Variants in GRIP1 observed in about 807,000 individuals in gnomAD.
GRIP1 encodes the protein glutamate receptor-interacting protein 1.
GRIP1 carries 45 observed loss-of-function variants against 129.9 expected under a neutral mutation model. That is an observed-to-expected ratio of 0.35 (90% confidence interval 0.27 to 0.44). The LOEUF (loss-of-function observed/expected upper bound fraction) is 0.44. Ranked by LOEUF, GRIP1 falls within the 20% of genes least tolerant of loss-of-function variation. The pLI is 1.00. For missense variants in GRIP1, 1,196 were observed against 1,396.8 expected (o/e 0.86, Z 2.29); for synonymous variants, 530 against 520.8 (o/e 1.02, Z -0.24).
At chr12:66,535,626 T>A (rs2061582588) in intron 4 of GRIP1, among the ~76,000 whole-genome samples, 2 of 152,220 alleles carry the variant, frequency 1.3e-5, no homozygotes, top group Non-Finnish European at 2.9e-5. Flanking sequence ...TCTAAGCCTT[T>A]ACACTCTATT....
At chr12:66,736,243 A>G (rs2036592230) in intron 1 of GRIP1, among the ~76,000 whole-genome samples, 1 of 151,504 alleles carries the variant, frequency 6.6e-6, no homozygotes, top group Non-Finnish European at 1.5e-5. Flanking sequence ...ATAGCACACC[A>G]ATCATAGCTC....
intron 1 of GRIP1, among the ~76,000 whole-genome samples, chr12:67,064,751 A>AT (rs966008435): frequency 2.0e-5 from 3 of 151,480 alleles, no homozygotes; most frequent in African/African-American, 7.3e-5. Flanking sequence ...TCTCATAGAT[A>AT]TTTTTTTATT....
chr12:66,751,513 T>G (rs961897803), intron 1 of GRIP1, among the ~76,000 whole-genome samples: 2 of 152,162 alleles, frequency 1.3e-5, no homozygotes, highest in Non-Finnish European at 2.9e-5. Context: ...GTCCAGGGCA[T>G]GATGACTGAA....
intron 15 of GRIP1, among the ~76,000 whole-genome samples, chr12:66,409,773 T>C (rs1444577745): frequency 6.6e-6 from 1 of 152,172 alleles, no homozygotes. Flanking sequence ...CTGTTTTGAG[T>C]AAACAATAAA....
chr12:66,535,178 C>G (rs944849242), intron 4 of GRIP1, among the ~76,000 whole-genome samples: 4 of 152,102 alleles, frequency 2.6e-5, no homozygotes, highest in African/African-American at 9.7e-5. Flanking sequence ...TCACTATTAG[C>G]CTTTGCCTAA....
chr12:66,809,685 A>G (rs12824146), intron 1 of GRIP1, among the ~76,000 whole-genome samples: 89,208 of 150,198 alleles, frequency 0.59, 26,564 homozygotes, highest in East Asian at 0.64. Flanking sequence ...TTTGAGACAG[A>G]ATCTTGGTGT....
chr12:67,019,941 A>ACTT, intron 1 of GRIP1, among the ~76,000 whole-genome samples: 1 of 152,314 alleles, frequency 6.6e-6, no homozygotes, highest in East Asian at 1.9e-4. Context: ...GACTTATAAG[A>ACTT]AACAAACATT....
intron 19 of GRIP1, 37 bp from the exon 20 acceptor site, chr12:66,379,473 G>C (rs932008766): frequency 1.9e-6 from 3 of 1,602,654 alleles, no homozygotes; most frequent in Admixed American, 1.7e-5. Context: ...TGGGCCCAAG[G>C]ATTACTTAAT....
chr12:66,973,347 G>C (rs10878546), intron 1 of GRIP1, among the ~76,000 whole-genome samples: 29,144 of 146,598 alleles, frequency 0.2, 3,029 homozygotes, highest in East Asian at 0.4. Flanking sequence ...ACAGGAAAAT[G>C]GTTATTTTTT....
chr12:66,652,691 T>C (rs928609797), intron 1 of GRIP1, among the ~76,000 whole-genome samples: 1 of 152,212 alleles, frequency 6.6e-6, no homozygotes, highest in African/African-American at 2.4e-5. Flanking sequence ...CTAGAAAGCA[T>C]TTCCCTGCTG....
intron 1 of GRIP1, among the ~76,000 whole-genome samples, chr12:66,606,739 T>C (rs1200362725): frequency 6.6e-6 from 1 of 152,178 alleles, no homozygotes; most frequent in Non-Finnish European, 1.5e-5. Context: ...TATTAAAGCC[T>C]AGGGCAGGGC....
intron 1 of GRIP1, among the ~76,000 whole-genome samples, chr12:67,047,304 C>T (rs1280533507): frequency 6.6e-6 from 1 of 152,090 alleles, no homozygotes; most frequent in Non-Finnish European, 1.5e-5. Flanking sequence ...AAAACACATT[C>T]TTATTATAGA....
At chr12:66,813,542 C>T (rs2039145075) in intron 1 of GRIP1, among the ~76,000 whole-genome samples, 1 of 152,070 alleles carries the variant, frequency 6.6e-6, no homozygotes, top group Admixed American at 6.5e-5. Flanking sequence ...ACTCTGGGGG[C>T]TATATTTGAA....
intron 1 of GRIP1, among the ~76,000 whole-genome samples, chr12:66,840,305 T>C (rs2039691789): frequency 6.6e-6 from 1 of 152,218 alleles, no homozygotes; most frequent in South Asian, 2.1e-4. Context: ...CAGTGGAGGT[T>C]ATTCTTATTA....
intron 11 of GRIP1, among the ~76,000 whole-genome samples, chr12:66,448,822 C>G (rs1046130843): frequency 3.3e-5 from 5 of 152,190 alleles, no homozygotes; most frequent in African/African-American, 7.2e-5. Context: ...GCTAGGGTAG[C>G]CTTTCTAACA....
intron 12 of GRIP1, 49 bp downstream of exon 12, chr12:66,445,273 T>C (rs1436042619): frequency 7.0e-7 from 1 of 1,431,418 alleles, no homozygotes. Context: ...AGATAGCAGG[T>C]ACCAGAAACG....
chr12:66,943,290 G>A (rs894358706), intron 1 of GRIP1, among the ~76,000 whole-genome samples: 3 of 152,224 alleles, frequency 2.0e-5, no homozygotes, highest in Non-Finnish European at 2.9e-5. Context: ...CCTCTCCAGA[G>A]AGCCAGAGAT....
intron 1 of GRIP1, among the ~76,000 whole-genome samples, chr12:67,040,941 T>C (rs1024321175): frequency 1.3e-5 from 2 of 152,108 alleles, no homozygotes; most frequent in Non-Finnish European, 2.9e-5. Flanking sequence ...CCCTCCCTGA[T>C]GTGGGTGGGC....
In GRIP1 at chr12:66,462,823, A is replaced by AAAC; in HGVS notation, c.1042+100_1042+101insGTT. 6.1e-6 allele frequency: 4 copies of AAAC among 656,180 alleles called. No individual in the cohort carries two copies. In the East Asian group the frequency reaches 1.3e-4, roughly 21 times the overall value. The allele number at this position is 656,180 out of a possible 1,614,324, so 40.6% of individuals were successfully genotyped here. ...TCTCAAAAAAAAAAAAAAAAAAAAA[A>AAAC]GGCAGAATGAGACCCAGTGTCTTTC... On this transcript the variant is annotated intron_variant, in intron 9 of 24. Coordinates refer to ENST00000359742, the MANE Select transcript of GRIP1 (RefSeq NM_001366722.1).
Sources: gnomAD v4.1 joint callset for allele counts (sites outside exome capture counted in the v4.1 genomes callset) on GRCh38, gnomAD v4.1.1 for gene constraint, MANE v1.5 for transcripts, NCBI Gene and HGNC (gene_info 2026-07-23, HGNC 2026-07-21) for gene names.